The following NCKAP5 variants were observed in gnomAD, a reference collection of about 807,000 sequenced individuals.
NCKAP5 encodes nck-associated protein 5.
Under a neutral mutation model 167.0 loss-of-function variants are expected in NCKAP5, and 92 were observed. The observed-to-expected ratio is 0.55, with a 90% CI of 0.47 to 0.66. The LOEUF is 0.66. Ranked by LOEUF, NCKAP5 falls within the 30% of genes least tolerant of loss-of-function variation. The pLI, the probability that NCKAP5 is intolerant of heterozygous loss-of-function variation, is 0.00. For synonymous variants in NCKAP5, 891 were observed against 877.4 expected (o/e 1.02, Z -0.27); for missense variants, 2,378 against 2,315.0 (o/e 1.03, Z -0.56).
At chr2:133,535,647 C>A (rs2104852496) in intron 2 of NCKAP5, among the ~76,000 whole-genome samples, 1 of 152,112 alleles carries the variant, frequency 6.6e-6, no homozygotes, top group African/African-American at 2.4e-5. Context: ...TTCCTTTGAG[C>A]AGATACCCAG....
At chr2:133,319,418 T>G (rs1214223654) in intron 3 of NCKAP5, among the ~76,000 whole-genome samples, 1 of 152,102 alleles carries the variant, frequency 6.6e-6, no homozygotes, top group Non-Finnish European at 1.5e-5. Context: ...ACGAGAGAAG[T>G]ACCCATGATA....
At chr2:133,342,551 G>A (rs935900125) in intron 3 of NCKAP5, among the ~76,000 whole-genome samples, 1 of 152,102 alleles carries the variant, frequency 6.6e-6, no homozygotes, top group African/African-American at 2.4e-5. Flanking sequence ...GTCCTTAGCA[G>A]GTCTTATACT....
intron 11 of NCKAP5, among the ~76,000 whole-genome samples, chr2:132,819,162 T>C (rs1487988996): frequency 2.0e-5 from 3 of 152,186 alleles, no homozygotes; most frequent in African/African-American, 4.8e-5. Flanking sequence ...CTGTCTTATG[T>C]TGCATATGGC....
At chr2:133,410,552 TCAA>T (rs1409158735) in intron 3 of NCKAP5, among the ~76,000 whole-genome samples, 1 of 152,202 alleles carries the variant, frequency 6.6e-6, no homozygotes, top group Non-Finnish European at 1.5e-5. Context: ...TAGCAGGTAC[TCAA>T]CAAATATTAA....
In NCKAP5 at chr2:132,781,067, T is replaced by C. The variant is rs751738767; in HGVS notation, c.5034A>G (p.Val1678=). Residue 1678 remains valine (V), a synonymous_variant, in exon 15 of 20, where the codon GTA becomes GTG. Transcript: ENST00000409261. The stretch of plus-strand genomic sequence containing the variant: ...GAGCACTTACCAGGGAGTCTTTTGG[T>C]ACTTCCATATCGGCTTTGATTTTCA... ...KNMKIKADME[V]PKDSLVKEAN... 1.2e-6 allele frequency: 2 copies of C among 1,613,518 alleles called. No homozygotes were observed. Among genetic ancestry groups the C allele is most frequent in the Non-Finnish European group, 1.7e-6 (2 of 1,179,680 alleles).
intron 16 of NCKAP5, among the ~76,000 whole-genome samples, chr2:132,745,404 A>C (rs1030013560): frequency 2.1e-4 from 32 of 151,766 alleles, no homozygotes; most frequent in Non-Finnish European, 1.5e-4. Flanking sequence ...ACAAAAAAAA[A>C]ACAGACACAG....
rs1402534901 is a variant in NCKAP5 at position 132,860,412 on chromosome 2, T to G, written c.807+80A>C. ...ATGCAATATGCCTTGCTCATGAAGATGTTGCTAACTTCTGAACTTAAGTAA... is the reference window on the plus strand; with the variant it reads ...ATGCAATATGCCTTGCTCATGAAGAGGTTGCTAACTTCTGAACTTAAGTAA... On this transcript the variant is annotated intron_variant, in intron 11 of 19. Coordinates refer to ENST00000409261, the MANE Select transcript of NCKAP5 (RefSeq NM_207363.3). 14 of 1,447,280 alleles carry G rather than the reference T, an allele frequency of 9.7e-6. No homozygotes were observed. In the South Asian group the frequency reaches 1.7e-4, roughly 18 times the overall value. The allele number at this position is 1,447,280 out of a possible 1,614,324, so 89.7% of individuals were successfully genotyped here.
At chr2:133,362,027 G>A (rs1044075289) in intron 3 of NCKAP5, among the ~76,000 whole-genome samples, 3 of 151,968 alleles carry the variant, frequency 2.0e-5, no homozygotes, top group Admixed American at 2.0e-4. Flanking sequence ...AAAAAACAGT[G>A]TAAAAAAGTC....
the NCKAP5 span, among the ~76,000 whole-genome samples, chr2:133,585,406 G>C: frequency 1.3e-5 from 2 of 152,234 alleles, 1 homozygote; most frequent in South Asian, 4.1e-4. Context: ...TCAAGGCCAT[G>C]TTTGTCCAAA....
At chr2:132,888,854 T>C (rs1320813238) in intron 8 of NCKAP5, among the ~76,000 whole-genome samples, 3 of 152,198 alleles carry the variant, frequency 2.0e-5, no homozygotes, top group East Asian at 3.8e-4. Flanking sequence ...CTAGTATTGT[T>C]GTAGTAGTAG....
Position 132,870,903 on chromosome 2 carries a change from G to A in NCKAP5, c.649-1929C>T, listed in dbSNP as rs527912187. Reference sequence around the variant, plus strand: ...GGCAATCACACCACAAGCAGTAAAAGACTAAAATCAGATTATCTGTAATTG... The same window carrying A: ...GGCAATCACACCACAAGCAGTAAAAAACTAAAATCAGATTATCTGTAATTG... On this transcript the variant is annotated intron_variant, in intron 9 of 19. Coordinates refer to ENST00000409261, the MANE Select transcript of NCKAP5 (RefSeq NM_207363.3). Among the ~76,000 whole-genome samples the A allele has an allele frequency of 5.7e-4, 86 of 151,892 alleles. 1 individual carries two copies. Among genetic ancestry groups the A allele is most frequent in the Non-Finnish European group, 1.0e-3 (69 of 67,948 alleles).
the NCKAP5 span, among the ~76,000 whole-genome samples, chr2:133,582,554 C>T: frequency 2.6e-4 from 39 of 152,262 alleles, no homozygotes; most frequent in South Asian, 2.7e-3. Flanking sequence ...CACACATGCA[C>T]GGTAGTAATC....
Position 133,250,558 on chromosome 2 carries a change from C to G in NCKAP5, c.144-36779G>C, listed in dbSNP as rs554335695. Among the ~76,000 whole-genome samples the G allele has an allele frequency of 5.9e-5, 9 of 152,340 alleles. No individual in the cohort carries two copies. The South Asian group carries it at 1.9e-3, about 32-fold the overall frequency. On this transcript the variant is annotated intron_variant, in intron 4 of 19. Transcript: ENST00000409261. Reference sequence around the variant, plus strand: ...CTGCTTCTGAGGCAGGCTCTGCTCTCCTGAGGTTCTCACTGCCTGCTATTT... The same window carrying G: ...CTGCTTCTGAGGCAGGCTCTGCTCTGCTGAGGTTCTCACTGCCTGCTATTT...
chr2:133,176,951 CCCT>C (rs1203985629), intron 5 of NCKAP5, among the ~76,000 whole-genome samples: 1 of 151,944 alleles, frequency 6.6e-6, no homozygotes, highest in African/African-American at 2.4e-5. Flanking sequence ...TATAATTAAT[CCCT>C]CTTTAAGCTA....
At chr2:132,818,344 T>C (rs1459085296) in intron 11 of NCKAP5, among the ~76,000 whole-genome samples, 1 of 152,220 alleles carries the variant, frequency 6.6e-6, no homozygotes, top group Non-Finnish European at 1.5e-5. Context: ...ATATGGATAA[T>C]GCAGATTCTC....
At chr2:132,714,617 A>T (rs967039611) in intron 19 of NCKAP5, among the ~76,000 whole-genome samples, 8 of 151,918 alleles carry the variant, frequency 5.3e-5, no homozygotes, top group African/African-American at 1.9e-4. Context: ...TGGGAGTTTG[A>T]GACCAGCCTG....
chr2:133,474,856 G>A (rs778844824), intron 3 of NCKAP5, among the ~76,000 whole-genome samples: 11 of 151,958 alleles, frequency 7.2e-5, no homozygotes, highest in Non-Finnish European at 1.3e-4. Context: ...TGTTGCCCAG[G>A]CTAGAGTGCA....
At chr2:133,419,429 A>T (rs942318116) in intron 3 of NCKAP5, among the ~76,000 whole-genome samples, 1 of 152,206 alleles carries the variant, frequency 6.6e-6, no homozygotes, top group African/African-American at 2.4e-5. Context: ...TGGATTTTTT[A>T]AAATAATTTT....
the NCKAP5 span, among the ~76,000 whole-genome samples, chr2:133,662,587 A>C: frequency 6.8e-6 from 1 of 147,416 alleles, no homozygotes; most frequent in African/African-American, 2.5e-5. Context: ...GAATTTGATC[A>C]CAATACCATT....
Sources: gnomAD v4.1 joint callset for allele counts (sites outside exome capture counted in the v4.1 genomes callset) on GRCh38, gnomAD v4.1.1 for gene constraint, MANE v1.5 for transcripts, NCBI Gene and HGNC (gene_info 2026-07-23, HGNC 2026-07-21) for gene names.